The following NKAIN3 variants were observed in gnomAD, a reference collection of about 807,000 sequenced individuals.
NKAIN3 encodes sodium/potassium transporting ATPase interacting 3.
Under a neutral mutation model 30.2 loss-of-function variants are expected in NKAIN3, and 25 were observed. The ratio of observed to expected loss-of-function variants is 0.83; its 90% CI spans 0.60 to 1.16. The LOEUF (loss-of-function observed/expected upper bound fraction) is 1.16, where lower values mean the gene tolerates loss of function less well. NKAIN3 is among the 50% of genes most tolerant of loss of function. The pLI is 0.00. For missense variants in NKAIN3, 225 were observed against 254.1 expected (o/e 0.89, Z 0.78); for synonymous variants, 91 against 89.6 (o/e 1.02, Z -0.09).
At chr8:62,368,799 T>A (rs58534646) in intron 1 of NKAIN3, among the ~76,000 whole-genome samples, 20,521 of 139,270 alleles carry the variant, frequency 0.15, 1,656 homozygotes, top group East Asian at 0.41. Flanking sequence ...TTATTCTCAT[T>A]TTTTCTTTAA....
chr8:62,861,703 A>T, intron 4 of NKAIN3, among the ~76,000 whole-genome samples: 1 of 152,198 alleles, frequency 6.6e-6, no homozygotes, highest in East Asian at 1.9e-4. Flanking sequence ...TCAGTCAAAG[A>T]TGTCATCCCA....
intron 4 of NKAIN3, among the ~76,000 whole-genome samples, chr8:62,815,216 A>T (rs1167374084): frequency 2.2e-4 from 33 of 152,178 alleles, no homozygotes; most frequent in Middle Eastern, 3.4e-3. Flanking sequence ...TCTGAAATTT[A>T]GGCAATAATC....
intron 4 of NKAIN3, among the ~76,000 whole-genome samples, chr8:62,901,639 C>T (rs375898472): frequency 1.3e-5 from 2 of 152,294 alleles, no homozygotes; most frequent in East Asian, 3.9e-4. Flanking sequence ...CCACATTTCA[C>T]TAGGTAGGAC....
intron 1 of NKAIN3, among the ~76,000 whole-genome samples, chr8:62,404,684 A>G (rs1804005214): frequency 6.6e-6 from 1 of 152,088 alleles, no homozygotes. Flanking sequence ...TTTCCTTTAT[A>G]TATTACCCAA....
Position 62,863,198 on chromosome 8 carries a change from G to A in NKAIN3, c.472-55255G>A, listed in dbSNP as rs1160832073. The A allele has an allele frequency of 2.6e-6, 4 of 1,546,662 alleles. 1 individual carries two copies. The highest frequency in any genetic ancestry group is 3.6e-6 in the Non-Finnish European group (4 of 1,125,930). The stretch of plus-strand genomic sequence containing the variant: ...TCCAATTCTTCTATCTCCTGCAGGC[G>A]TTTTTCCAATAACTCAGCCTGCCTC... On this transcript the variant is annotated intron_variant, in intron 4 of 6. Transcript: ENST00000623646.
intron 4 of NKAIN3, among the ~76,000 whole-genome samples, chr8:62,784,483 A>G (rs1052389170): frequency 6.6e-6 from 1 of 152,066 alleles, no homozygotes; most frequent in African/African-American, 2.4e-5. Flanking sequence ...TTAAAAGATT[A>G]TAAGATAATA....
chr8:62,856,613 C>G (rs972059809), intron 4 of NKAIN3: 1 of 778,374 alleles, frequency 1.3e-6, no homozygotes, highest in African/African-American at 1.7e-5. Flanking sequence ...TATGACTCAT[C>G]ATGAACTGGA....
At chr8:62,876,333 G>A (rs1235864964) in intron 4 of NKAIN3, among the ~76,000 whole-genome samples, 2 of 152,136 alleles carry the variant, frequency 1.3e-5, no homozygotes, top group African/African-American at 4.8e-5. Context: ...GTGAGGGTGT[G>A]GAGGAATAGG....
intron 1 of NKAIN3, among the ~76,000 whole-genome samples, chr8:62,345,643 A>G (rs1376709845): frequency 1.3e-5 from 2 of 150,196 alleles, no homozygotes; most frequent in African/African-American, 2.5e-5. Flanking sequence ...ATATATGTAT[A>G]TATACACATA....
intron 3 of NKAIN3, among the ~76,000 whole-genome samples, chr8:62,743,582 AAAG>A (rs1194114417): frequency 6.6e-6 from 1 of 152,202 alleles, no homozygotes; most frequent in African/African-American, 2.4e-5. Context: ...AACCATGTAG[AAAG>A]AAGAACAGAC....
chr8:62,632,067 G>A (rs1399670070), intron 3 of NKAIN3, among the ~76,000 whole-genome samples: 2 of 152,138 alleles, frequency 1.3e-5, no homozygotes, highest in African/African-American at 2.4e-5. Flanking sequence ...AACACTGCAA[G>A]TGGGTCACAC....
chr8:62,464,844 A>G (rs1415307666), intron 1 of NKAIN3, among the ~76,000 whole-genome samples: 2 of 152,288 alleles, frequency 1.3e-5, no homozygotes, highest in South Asian at 2.1e-4. Context: ...AGAAAGATAT[A>G]CCTGTGAATT....
intron 1 of NKAIN3, among the ~76,000 whole-genome samples, chr8:62,290,607 A>T (rs28845543): frequency 2.6e-5 from 4 of 152,164 alleles, no homozygotes; most frequent in Non-Finnish European, 5.9e-5. Context: ...CTCATGGTGG[A>T]TAAGCTTTTT....
intron 1 of NKAIN3, among the ~76,000 whole-genome samples, chr8:62,576,510 C>T (rs1314176037): frequency 6.6e-6 from 1 of 152,088 alleles, no homozygotes; most frequent in Non-Finnish European, 1.5e-5. Flanking sequence ...ATTTATGCTA[C>T]ATTACAATTT....
intron 1 of NKAIN3, among the ~76,000 whole-genome samples, chr8:62,255,917 T>G (rs1303745135): frequency 6.6e-6 from 1 of 152,130 alleles, no homozygotes. Context: ...AGTCTCAAAT[T>G]ATTGAAAGCT....
intron 1 of NKAIN3, among the ~76,000 whole-genome samples, chr8:62,531,906 T>C (rs996975114): frequency 1.3e-5 from 2 of 152,218 alleles, no homozygotes; most frequent in African/African-American, 4.8e-5. Flanking sequence ...ATCATGCCCA[T>C]GTGCCCAGCT....
chr8:62,811,660 C>T (rs1029870873), intron 4 of NKAIN3, among the ~76,000 whole-genome samples: 17 of 151,864 alleles, frequency 1.1e-4, no homozygotes, highest in Non-Finnish European at 1.8e-4. Context: ...TATCTGCCAT[C>T]GGTGTATCCT....
chr8:62,736,400 A>C lies in NKAIN3; in HGVS notation c.274-10532A>C, dbSNP rs889402896. ...GTGTGGATTTCAGGCCAATGGAGTT[A>C]TGTTCCAAGGCAGATTATGGCTACC... On this transcript the variant is annotated intron_variant, in intron 3 of 6. Transcript: ENST00000623646. Among the ~76,000 whole-genome samples, 25 of 152,080 alleles carry C rather than the reference A, an allele frequency of 1.6e-4. 1 individual carries two copies. Among genetic ancestry groups the C allele is most frequent in the Admixed American group, 8.5e-4 (13 of 15,268 alleles).
chr8:62,422,043 T>A (rs1452345053), intron 1 of NKAIN3, among the ~76,000 whole-genome samples: 1 of 152,104 alleles, frequency 6.6e-6, no homozygotes, highest in African/African-American at 2.4e-5. Flanking sequence ...TATTGCTAGT[T>A]GCCTACTCAA....
Sources: gnomAD v4.1 joint callset for allele counts (sites outside exome capture counted in the v4.1 genomes callset) on GRCh38, gnomAD v4.1.1 for gene constraint, MANE v1.5 for transcripts, NCBI Gene and HGNC (gene_info 2026-07-23, HGNC 2026-07-21) for gene names.